Variants in FAT3 observed in about 807,000 individuals in gnomAD.
FAT3 encodes protocadherin Fat 3.
In FAT3, 95 loss-of-function variants were observed where a neutral mutation model predicts 310.2. That is an observed-to-expected ratio of 0.31 (90% CI 0.26 to 0.36). The LOEUF (loss-of-function observed/expected upper bound fraction) is 0.36, where lower values mean the gene tolerates loss of function less well. FAT3 is among the 10% of genes least tolerant of loss of function. The pLI, the probability that FAT3 is intolerant of heterozygous loss-of-function variation, is 1.00. For missense variants in FAT3, 5,408 were observed against 5,715.6 expected, an observed-to-expected ratio of 0.95 and a Z score of 1.74; for synonymous variants, 2,314 against 2,192.9, an observed-to-expected ratio of 1.06 and a Z score of -1.54.
At chr11:92,589,468 C>T (rs1051833691) in intron 3 of FAT3, among the ~76,000 whole-genome samples, 5 of 152,052 alleles carry the variant, frequency 3.3e-5, no homozygotes, top group Non-Finnish European at 7.4e-5. Flanking sequence ...TGAGTTGCTT[C>T]AAGTATGAAG....
At chr11:92,547,179 C>T (rs915776314) in intron 3 of FAT3, among the ~76,000 whole-genome samples, 1 of 152,108 alleles carries the variant, frequency 6.6e-6, no homozygotes, top group Non-Finnish European at 1.5e-5. Flanking sequence ...ATAAAGGTGG[C>T]CAAATAGCCA....
At chr11:92,846,452 G>A (rs1948687021) in intron 19 of FAT3, among the ~76,000 whole-genome samples, 1 of 152,154 alleles carries the variant, frequency 6.6e-6, no homozygotes, top group East Asian at 1.9e-4. Flanking sequence ...ATGGTCAAAG[G>A]AAAGCTGTCT....
intron 25 of FAT3, among the ~76,000 whole-genome samples, chr11:92,888,792 A>C (rs1022873243): frequency 1.3e-5 from 2 of 152,146 alleles, no homozygotes; most frequent in Non-Finnish European, 2.9e-5. Flanking sequence ...CCAACAAATA[A>C]TTATCCCCGG....
At position 92,525,482 on chromosome 11, in the gene FAT3, C is replaced by T. The variant is rs1233291592; in HGVS notation, c.3607+534C>T. On this transcript the variant is annotated intron_variant, in intron 3 of 27. Coordinates refer to ENST00000525166, the MANE Select transcript of FAT3 (RefSeq NM_001367949.2). Reference sequence around the variant, plus strand: ...ATAACTTCAATTTTCTGGTCTTTTGCTCAAAACGTTTTTAGAGATTGTAAT... The same window carrying T: ...ATAACTTCAATTTTCTGGTCTTTTGTTCAAAACGTTTTTAGAGATTGTAAT... Among the ~76,000 whole-genome samples, 3 of 152,118 alleles carry T rather than the reference C, an allele frequency of 2.0e-5. No homozygotes were observed. In the East Asian group the frequency reaches 5.8e-4, roughly 29 times the overall value.
intron 3 of FAT3, among the ~76,000 whole-genome samples, chr11:92,581,256 C>T (rs571441123): frequency 6.6e-6 from 1 of 152,102 alleles, no homozygotes; most frequent in South Asian, 2.1e-4. Flanking sequence ...CCTTCTTACA[C>T]CAGTATCCAG....
At chr11:92,258,315 G>A (rs1865394286) in intron 1 of FAT3, among the ~76,000 whole-genome samples, 2 of 152,116 alleles carry the variant, frequency 1.3e-5, no homozygotes, top group African/African-American at 4.8e-5. Flanking sequence ...GGAGAAGTAA[G>A]TCATGGACAG....
intron 2 of FAT3, among the ~76,000 whole-genome samples, chr11:92,489,151 T>C (rs947896354): frequency 2.0e-5 from 3 of 152,140 alleles, no homozygotes; most frequent in African/African-American, 7.2e-5. Context: ...GAATTCTGCA[T>C]TTGTTAATGT....
chr11:92,563,031 T>A (rs1253982342), intron 3 of FAT3, among the ~76,000 whole-genome samples: 2 of 152,166 alleles, frequency 1.3e-5, no homozygotes, highest in African/African-American at 4.8e-5. Flanking sequence ...ATAGTACATA[T>A]GAATTGAAAA....
intron 3 of FAT3, among the ~76,000 whole-genome samples, chr11:92,596,935 CTTCTT>C (rs1002616333): frequency 2.6e-5 from 4 of 152,116 alleles, no homozygotes; most frequent in Non-Finnish European, 5.9e-5. Context: ...TAGTTTAACT[CTTCTT>C]TTCTTCTCTG....
At chr11:92,583,935 T>C (rs761338249) in intron 3 of FAT3, among the ~76,000 whole-genome samples, 3 of 152,046 alleles carry the variant, frequency 2.0e-5, no homozygotes, top group Non-Finnish European at 2.9e-5. Flanking sequence ...ACATCTTAAA[T>C]TTCTTTTGGT....
At chr11:92,507,816 T>C (rs967786939) in intron 2 of FAT3, among the ~76,000 whole-genome samples, 2 of 151,972 alleles carry the variant, frequency 1.3e-5, no homozygotes, top group African/African-American at 4.8e-5. Flanking sequence ...TGCATGTGTA[T>C]ATGCCCCTTA....
chr11:92,343,926 A>G (rs1948341287), intron 1 of FAT3, among the ~76,000 whole-genome samples: 1 of 152,072 alleles, frequency 6.6e-6, no homozygotes, highest in South Asian at 2.1e-4. Flanking sequence ...TGTTGACCCA[A>G]TTTTATTTCA....
Position 92,749,793 on chromosome 11 carries a change from C to T in FAT3, c.3670-12063C>T, listed in dbSNP as rs187740393. On this transcript the variant is annotated intron_variant, in intron 4 of 27. Transcript: ENST00000525166. ...AAGCATCTTTACTACAATTAATTTT[C>T]AACAGCCACAACATTAAATTCCTAC... Among the ~76,000 whole-genome samples the T allele has an allele frequency of 1.4e-3, 209 of 152,248 alleles. 1 individual carries two copies. Among genetic ancestry groups the T allele is most frequent in the African/African-American group, 4.9e-3 (203 of 41,552 alleles).
At chr11:92,462,201 A>G (rs1034513161) in intron 2 of FAT3, among the ~76,000 whole-genome samples, 1 of 151,958 alleles carries the variant, frequency 6.6e-6, no homozygotes, top group Non-Finnish European at 1.5e-5. Flanking sequence ...CAGGGAGTAC[A>G]TGTGCAAGTT....
At chr11:92,611,501 G>A (rs529004270) in intron 3 of FAT3, among the ~76,000 whole-genome samples, 159 of 152,190 alleles carry the variant, frequency 1.0e-3, no homozygotes, top group African/African-American at 3.5e-3. Flanking sequence ...TCCACCTCCC[G>A]GGTTCAAGCG....
chr11:92,745,709 T>A (rs1358385010), intron 4 of FAT3, among the ~76,000 whole-genome samples: 1 of 152,082 alleles, frequency 6.6e-6, no homozygotes, highest in Admixed American at 6.5e-5. Flanking sequence ...TGGTCAAGGA[T>A]CTTTCTGAAA....
chr11:92,425,036 A>G (rs528617897), intron 2 of FAT3, among the ~76,000 whole-genome samples: 2 of 152,176 alleles, frequency 1.3e-5, no homozygotes, highest in Non-Finnish European at 2.9e-5. Flanking sequence ...TATAAATGTT[A>G]TGTTTATTGT....
intron 1 of FAT3, among the ~76,000 whole-genome samples, chr11:92,254,255 A>C (rs1865231916): frequency 2.0e-5 from 3 of 152,162 alleles, no homozygotes; most frequent in Admixed American, 2.0e-4. Context: ...TGTGTTCTCC[A>C]CACCCAAATA....
chr11:92,458,907 A>G (rs878887980), intron 2 of FAT3, among the ~76,000 whole-genome samples: 4 of 152,170 alleles, frequency 2.6e-5, no homozygotes, highest in Non-Finnish European at 4.4e-5. Flanking sequence ...AGCATTGTAC[A>G]TGCCTTCCAG....
Sources: gnomAD v4.1 joint callset for allele counts (sites outside exome capture counted in the v4.1 genomes callset) on GRCh38, gnomAD v4.1.1 for gene constraint, MANE v1.5 for transcripts, NCBI Gene and HGNC (gene_info 2026-07-23, HGNC 2026-07-21) for gene names.